Variants in ZNF487 observed in about 807,000 individuals in gnomAD.
The protein encoded by ZNF487 is KRAB domain only 1.
Under a neutral mutation model 3.0 loss-of-function variants are expected in ZNF487, and 4 were observed. That is an observed-to-expected ratio of 1.35 (90% CI 0.66 to 3.08). The LOEUF (loss-of-function observed/expected upper bound fraction) is 3.08, where lower values mean the gene tolerates loss of function less well. Ranked by LOEUF, ZNF487 falls within the 30% of genes most tolerant of loss-of-function variation. The probability of loss-of-function intolerance (pLI) is 0.01; values close to 1 mark genes in which losing one functional copy is unlikely to be tolerated. For synonymous variants in ZNF487, 55 were observed against 34.6 expected, an observed-to-expected ratio of 1.59 and a Z score of -2.06; for missense variants, 146 against 98.7, an observed-to-expected ratio of 1.48 and a Z score of -2.03.
At chr10:43,474,706 C>T (rs944052047) in intron 1 of ZNF487, among the ~76,000 whole-genome samples, 2 of 151,880 alleles carry the variant, frequency 1.3e-5, no homozygotes, top group South Asian at 4.2e-4. Context: ...TCTCAGCCTC[C>T]CCAGTAGCCG....
chr10:43,502,791 G>C, the ZNF487 span, among the ~76,000 whole-genome samples: 2 of 152,132 alleles, frequency 1.3e-5, no homozygotes, highest in African/African-American at 2.4e-5. Context: ...AGCACTTTGC[G>C]GGGCCAAGCC....
the ZNF487 span, among the ~76,000 whole-genome samples, chr10:43,498,114 CTTTTTTTTTTTT>C: frequency 4.1e-5 from 1 of 24,622 alleles, no homozygotes; most frequent in African/African-American, 1.9e-4. Context: ...TTTTTTTTTT[CTTTTTTTTTTTT>C]TTTTTTTTTT....
At chr10:43,439,927 A>G (rs2132027099) in intron 1 of ZNF487, among the ~76,000 whole-genome samples, 1 of 152,242 alleles carries the variant, frequency 6.6e-6, no homozygotes. Flanking sequence ...TTTAATGGGT[A>G]CAGAGTTTCA....
At chr10:43,449,209 G>C (rs1332860617) in intron 1 of ZNF487, among the ~76,000 whole-genome samples, 2 of 151,980 alleles carry the variant, frequency 1.3e-5, no homozygotes, top group African/African-American at 4.8e-5. Context: ...TGAGGCAGGA[G>C]AATCGCTTGA....
the ZNF487 span, among the ~76,000 whole-genome samples, chr10:43,509,695 A>G: frequency 8.0e-4 from 121 of 152,106 alleles, no homozygotes; most frequent in African/African-American, 2.7e-3. Context: ...ATTTCTGCCT[A>G]TATATATTCT....
At chr10:43,465,951 C>T (rs536919540) in intron 1 of ZNF487, among the ~76,000 whole-genome samples, 47 of 152,278 alleles carry the variant, frequency 3.1e-4, no homozygotes, top group African/African-American at 1.0e-3. Flanking sequence ...CTCGGGAGGC[C>T]GAGGCTGGGG....
intron 3 of ZNF487, among the ~76,000 whole-genome samples, chr10:43,479,849 G>A (rs1330674232): frequency 6.6e-6 from 1 of 151,942 alleles, no homozygotes; most frequent in Non-Finnish European, 1.5e-5. Context: ...TAGAGACGGG[G>A]TTTGCCGTGT....
Position 43,481,823 on chromosome 10 carries a change from T to C in ZNF487, c.525T>C (p.Thr175=), listed in dbSNP as rs1486314060. 8.5e-6 allele frequency: 6 copies of C among 704,414 alleles called. No individual in the cohort carries two copies. The highest frequency in any genetic ancestry group is 7.4e-5 in the South Asian group (5 of 67,604). 43.6% of individuals were successfully genotyped at this position (704,414 alleles called of 1,614,324 possible). The change falls in exon 4 of 4, where the codon ACT becomes ACC. Residue 175 remains threonine, a synonymous_variant. Transcript: ENST00000437590. The part of the protein sequence containing the change: ...EDLFRHQYIQ[T]LKQCFEYNQC... ...TATTTAGGCATCAGTATATTCAAAC[T>C]CTTAAGCAGTGTTTTGAATACAATC...
At chr10:43,476,036 A>G (rs2132137035) in intron 2 of ZNF487, 71 bp from the exon 3 acceptor site, 1 of 701,506 alleles carries the variant, frequency 1.4e-6, no homozygotes, top group South Asian at 1.5e-5. Flanking sequence ...AAGTGGACCT[A>G]TTTTTGTGCA....
intron 1 of ZNF487, chr10:43,452,977 C>G (rs1299879342): frequency 2.0e-5 from 3 of 151,754 alleles, no homozygotes; most frequent in South Asian, 4.2e-4. Flanking sequence ...CCCAAATACT[C>G]TCCACTGAAT....
At chr10:43,513,863 TC>T in the ZNF487 span, among the ~76,000 whole-genome samples, 685 of 152,294 alleles carry the variant, frequency 4.5e-3, 4 homozygotes, top group African/African-American at 0.016. Flanking sequence ...ATGTTTTGGG[TC>T]CCCTGGAATC....
intron 1 of ZNF487, among the ~76,000 whole-genome samples, chr10:43,464,045 C>T (rs1253856014): frequency 3.9e-5 from 6 of 152,056 alleles, no homozygotes; most frequent in Non-Finnish European, 8.8e-5. Context: ...AAGAGTCATA[C>T]ATCTCTCACT....
chr10:43,465,792 C>T (rs1431783639), intron 1 of ZNF487, among the ~76,000 whole-genome samples: 11 of 152,192 alleles, frequency 7.2e-5, no homozygotes, highest in Non-Finnish European at 1.6e-4. Flanking sequence ...GGGTGGCCGC[C>T]GAGCAGAGGC....
chr10:43,513,300 A>G, the ZNF487 span, among the ~76,000 whole-genome samples: 2 of 152,236 alleles, frequency 1.3e-5, no homozygotes, highest in Non-Finnish European at 2.9e-5. Context: ...ATGGACAGGA[A>G]TGGAGGAAAA....
the ZNF487 span, among the ~76,000 whole-genome samples, chr10:43,516,020 TCCGC>T: frequency 6.6e-6 from 1 of 152,122 alleles, no homozygotes; most frequent in Non-Finnish European, 1.5e-5. Flanking sequence ...GACCTCGTGA[TCCGC>T]CCGCCTTGGC....
chr10:43,437,492 G>T (rs993189946), intron 1 of ZNF487, among the ~76,000 whole-genome samples: 2 of 152,114 alleles, frequency 1.3e-5, no homozygotes, highest in African/African-American at 4.8e-5. Flanking sequence ...CTGAGGAAGC[G>T]CTTCCTCTGG....
chr10:43,494,430 C>T, the ZNF487 span, among the ~76,000 whole-genome samples: 7 of 152,094 alleles, frequency 4.6e-5, no homozygotes, highest in African/African-American at 1.4e-4. Flanking sequence ...CAACTCCTGC[C>T]GGTTCTTACA....
chr10:43,450,585 G>A (rs2132058221), intron 1 of ZNF487, among the ~76,000 whole-genome samples: 1 of 152,214 alleles, frequency 6.6e-6, no homozygotes, highest in South Asian at 2.1e-4. Flanking sequence ...CCTGACCTCA[G>A]GTGATCTGCC....
the ZNF487 span, among the ~76,000 whole-genome samples, chr10:43,491,277 T>C: frequency 6.6e-6 from 1 of 151,808 alleles, no homozygotes; most frequent in Non-Finnish European, 1.5e-5. Context: ...TTTATTCATT[T>C]TCCATAAGTG....
Sources: gnomAD v4.1 joint callset for allele counts (sites outside exome capture counted in the v4.1 genomes callset) on GRCh38, gnomAD v4.1.1 for gene constraint, MANE v1.5 for transcripts, NCBI Gene and HGNC (gene_info 2026-07-23, HGNC 2026-07-21) for gene names.